CDK6: variants seen among roughly 807,000 people sequenced by gnomAD.
CDK6 encodes cyclin-dependent kinase 6.
CDK6 carries 6 observed loss-of-function variants against 37.1 expected under a neutral mutation model. The ratio of observed to expected loss-of-function variants is 0.16; its 90% CI spans 0.09 to 0.32. CDK6 has a LOEUF of 0.32. Among genes scored for constraint, CDK6 ranks in the 10% least tolerant of loss-of-function variants. The pLI is 1.00. For missense variants in CDK6, 224 were observed against 418.9 expected, an observed-to-expected ratio of 0.53 and a Z score of 4.06; for synonymous variants, 160 against 161.3, an observed-to-expected ratio of 0.99 and a Z score of 0.06.
intron 2 of CDK6, among the ~76,000 whole-genome samples, chr7:92,821,728 T>C (rs1001575143): frequency 6.6e-6 from 1 of 151,422 alleles, no homozygotes; most frequent in Non-Finnish European, 1.5e-5. Context: ...TTATGTTATA[T>C]ATATAATTAG....
In CDK6 at chr7:92,833,540, C is replaced by T; in HGVS notation, c.-217G>A. 1 of 540,798 alleles carries T rather than the reference C, an allele frequency of 1.8e-6. No homozygotes were observed. The highest frequency in any genetic ancestry group is 3.2e-6 in the Non-Finnish European group (1 of 311,678). 33.5% of individuals were successfully genotyped at this position (540,798 alleles called of 1,614,324 possible). A position where few individuals can be genotyped will look rare whatever the true frequency, so the allele number is the denominator to read the frequency against. On this transcript the variant is annotated 5_prime_UTR_variant, in exon 2 of 8. Transcript: ENST00000424848. The surrounding 1 kb of genome is among the most constrained non-coding windows in gnomAD (Gnocchi z 6.1). ...GGGGCTGGCGTAACCCTGGTGCCGC[C>T]GCCGCGAAACTCCGCCTGCAGAGTC...
chr7:92,607,751 C>G lies in CDK6; in HGVS notation c.*7389G>C, dbSNP rs1585330604. Reference sequence around the variant, plus strand: ...AATCCCCCGCCTGTCAGGTGCTGTTCCTGGGGGTAGCTGATGCTATAAATT... The same window carrying G: ...AATCCCCCGCCTGTCAGGTGCTGTTGCTGGGGGTAGCTGATGCTATAAATT... On this transcript the variant is annotated 3_prime_UTR_variant, in exon 8 of 8. Transcript: ENST00000424848. The G allele has an allele frequency of 4.4e-6, 1 of 227,956 alleles. No homozygotes were observed. Among genetic ancestry groups the G allele is most frequent in the East Asian group, 6.3e-5 (1 of 15,806 alleles). 14.1% of individuals were successfully genotyped at this position (227,956 alleles called of 1,614,324 possible).
chr7:92,787,677 A>G (rs1021945289), intron 2 of CDK6, among the ~76,000 whole-genome samples: 3 of 152,150 alleles, frequency 2.0e-5, no homozygotes, highest in African/African-American at 7.2e-5. Flanking sequence ...ACTCTACAAA[A>G]AAGAATATGA....
Position 92,606,034 on chromosome 7 carries a change from C to T in CDK6, c.*9106G>A, listed in dbSNP as rs983425408. Reference sequence around the variant, plus strand: ...AGCATTCTGTAGCAATATAAGCAAACGGAATAAGAATAATTATGCACCTTT... The same window carrying T: ...AGCATTCTGTAGCAATATAAGCAAATGGAATAAGAATAATTATGCACCTTT... On this transcript the variant is annotated 3_prime_UTR_variant, in exon 8 of 8. Coordinates refer to ENST00000424848, the MANE Select transcript of CDK6 (RefSeq NM_001145306.2). 1.3e-5 allele frequency: 3 copies of T among 233,424 alleles called. No homozygotes were observed. The highest frequency in any genetic ancestry group is 5.6e-5 in the Admixed American group (1 of 17,766). 14.5% of individuals were successfully genotyped at this position (233,424 alleles called of 1,614,324 possible).
rs1295934934 is a variant in CDK6, at chr7:92,606,613, T to C, written c.*8527A>G. 4 of 230,292 alleles carry C rather than the reference T, an allele frequency of 1.7e-5. No individual in the cohort carries two copies. The highest frequency in any genetic ancestry group is 3.4e-5 in the Non-Finnish European group (4 of 117,680). 14.3% of individuals were successfully genotyped at this position (230,292 alleles called of 1,614,324 possible). On this transcript the variant is annotated 3_prime_UTR_variant, in exon 8 of 8. Coordinates refer to ENST00000424848, the MANE Select transcript of CDK6 (RefSeq NM_001145306.2). ...GAACCATGATTTCAAACACAGAAACTAACAAGTCAAATTTCCAAATTAGAT... is the reference window on the plus strand; with the variant it reads ...GAACCATGATTTCAAACACAGAAACCAACAAGTCAAATTTCCAAATTAGAT...
In CDK6 at chr7:92,625,571, C is replaced by A. The variant is rs943903876; in HGVS notation, c.648-2485G>T. Among the ~76,000 whole-genome samples the A allele has an allele frequency of 6.2e-4, 91 of 147,418 alleles. 1 individual carries two copies. Among genetic ancestry groups the A allele is most frequent in the Non-Finnish European group, 1.0e-3 (67 of 66,602 alleles). ...ACAAAACAAAACAAAACAAAAAAAACCAAAAACCTCACCAAGTATTTAAGT... is the reference window on the plus strand; with the variant it reads ...ACAAAACAAAACAAAACAAAAAAAAACAAAAACCTCACCAAGTATTTAAGT... On this transcript the variant is annotated intron_variant, in intron 5 of 7. Transcript: ENST00000424848.
chr7:92,768,637 A>G lies in CDK6; in HGVS notation c.369+6059T>C, dbSNP rs117049177. On this transcript the variant is annotated intron_variant, in intron 3 of 7. Transcript: ENST00000424848. ...ATTTCCTTCCAAGATCTTTATCATT[A>G]TGGTAGAGTATTTGTTCTTTGAATT... is the stretch of plus-strand genomic sequence containing the variant. 6.5e-3 allele frequency among the ~76,000 whole-genome samples: 987 copies of G among 152,302 alleles called. 5 individuals are homozygous for G. The highest frequency in any genetic ancestry group is 0.031 in the Middle Eastern group (9 of 294).
At chr7:92,733,029 T>G (rs141801624) in intron 3 of CDK6, among the ~76,000 whole-genome samples, 93 of 152,328 alleles carry the variant, frequency 6.1e-4, no homozygotes, top group African/African-American at 2.1e-3. Flanking sequence ...CATTGAGTGT[T>G]CTGTAATTTG....
intron 2 of CDK6, among the ~76,000 whole-genome samples, chr7:92,776,649 T>C (rs558567260): frequency 6.6e-6 from 1 of 152,264 alleles, no homozygotes; most frequent in Non-Finnish European, 1.5e-5. Context: ...TTTGCATTTC[T>C]CTAATGAACA....
intron 6 of CDK6, among the ~76,000 whole-genome samples, chr7:92,620,717 G>T (rs1795788659): frequency 6.6e-6 from 1 of 152,050 alleles, no homozygotes; most frequent in Non-Finnish European, 1.5e-5. Flanking sequence ...AGACCAGCCT[G>T]GGCAACATGG....
chr7:92,652,386 A>G (rs1562925264), intron 5 of CDK6, among the ~76,000 whole-genome samples: 1 of 151,798 alleles, frequency 6.6e-6, no homozygotes, highest in Non-Finnish European at 1.5e-5. Context: ...TTTCCATTTC[A>G]TCTTTGGTTT....
At chr7:92,760,238 G>C (rs1799421105) in intron 3 of CDK6, among the ~76,000 whole-genome samples, 1 of 152,122 alleles carries the variant, frequency 6.6e-6, no homozygotes, top group Admixed American at 6.6e-5. Flanking sequence ...TAAAATGTTT[G>C]TAAGACTAAA....
At chr7:92,681,527 G>C (rs1030664900) in intron 4 of CDK6, among the ~76,000 whole-genome samples, 13 of 152,178 alleles carry the variant, frequency 8.5e-5, no homozygotes, top group African/African-American at 2.7e-4. Context: ...AAGCCTTTAG[G>C]TCAAAGTAAG....
chr7:92,721,312 C>T (rs1166422868), intron 4 of CDK6, among the ~76,000 whole-genome samples: 3 of 152,104 alleles, frequency 2.0e-5, no homozygotes, highest in Non-Finnish European at 4.4e-5. Flanking sequence ...CAGGGAATTG[C>T]AATGTCCTGT....
chr7:92,644,026 C>A (rs1303410007), intron 5 of CDK6, among the ~76,000 whole-genome samples: 1 of 152,202 alleles, frequency 6.6e-6, no homozygotes, highest in Non-Finnish European at 1.5e-5. Context: ...TTCACGTGGA[C>A]CCTTACAGGG....
Position 92,826,813 on chromosome 7 carries a change from G to A in CDK6, c.233+6278C>T, listed in dbSNP as rs981593364. On this transcript the variant is annotated intron_variant, in intron 2 of 7. Transcript: ENST00000424848. Reference sequence around the variant, plus strand: ...CTAATGCAGTATACAACTCTAAAACGATGAAAAGTGCTTATCTAAGGGGTT... The same window carrying A: ...CTAATGCAGTATACAACTCTAAAACAATGAAAAGTGCTTATCTAAGGGGTT... 1.3e-5 allele frequency among the ~76,000 whole-genome samples: 2 copies of A among 152,040 alleles called. 1 individual carries two copies. The highest frequency in any genetic ancestry group is 4.1e-4 in the South Asian group (2 of 4,830).
chr7:92,658,161 G>A (rs1218698943), intron 5 of CDK6, among the ~76,000 whole-genome samples: 1 of 152,164 alleles, frequency 6.6e-6, no homozygotes, highest in East Asian at 1.9e-4. Flanking sequence ...TAAAAACAGA[G>A]TTTAGTTGAA....
rs545765329 is a variant in CDK6 at position 92,607,498 on chromosome 7, A to T, written c.*7642T>A. ...GATACCCAAAATACTACATCTATAT[A>T]TTCAAATCTACTAATCATGTTACAA... On this transcript the variant is annotated 3_prime_UTR_variant, in exon 8 of 8. Transcript: ENST00000424848. 8.2e-5 allele frequency: 19 copies of T among 233,008 alleles called. No homozygotes were observed. Among genetic ancestry groups the T allele is most frequent in the African/African-American group, 4.2e-4 (19 of 45,462 alleles). The allele number at this position is 233,008 out of a possible 1,614,324, so 14.4% of individuals were successfully genotyped here.
rs190059418 is a variant in CDK6 at position 92,755,030 on chromosome 7, C to T, written c.369+19666G>A. Among the ~76,000 whole-genome samples the T allele has an allele frequency of 2.2e-3, 341 of 152,218 alleles. 2 individuals carry two copies. Among genetic ancestry groups the T allele is most frequent in the South Asian group, 5.6e-3 (27 of 4,824 alleles). On this transcript the variant is annotated intron_variant, in intron 3 of 7. Transcript: ENST00000424848. ...CTCTCAGCAAAAACATAAAAACGAT[C>T]CCCCAAAGGACAAAACCTGCCACCA...
Sources: allele counts gnomAD v4.1 joint callset (sites outside exome capture counted in the v4.1 genomes callset), GRCh38; gene constraint gnomAD v4.1.1; non-coding constraint Gnocchi (gnomAD v3.1); transcripts MANE v1.5; gene names NCBI Gene and HGNC (gene_info 2026-07-23, HGNC 2026-07-21).